LRP1B: variants seen among roughly 807,000 people sequenced by gnomAD.
The protein encoded by LRP1B is LDL receptor related protein 1B, also known as low-density lipoprotein receptor-related protein 1B.
Under a neutral mutation model 556.6 loss-of-function variants are expected in LRP1B, and 217 were observed. The observed-to-expected ratio is 0.39, with a 90% CI of 0.35 to 0.44. The LOEUF (loss-of-function observed/expected upper bound fraction) is 0.44, where lower values mean the gene tolerates loss of function less well. Ranked by LOEUF, LRP1B falls within the 20% of genes least tolerant of loss-of-function variation. The pLI, the probability that LRP1B is intolerant of heterozygous loss-of-function variation, is 1.00. For synonymous variants in LRP1B, 2,047 were observed against 1,865.8 expected (o/e 1.10, Z -2.50); for missense variants, 5,053 against 5,620.8 (o/e 0.90, Z 3.23).
At chr2:140,871,542 C>T (rs1210160923) in intron 25 of LRP1B, among the ~76,000 whole-genome samples, 1 of 152,018 alleles carries the variant, frequency 6.6e-6, no homozygotes, top group Non-Finnish European at 1.5e-5. Flanking sequence ...TGATTCAGGG[C>T]AAGAGATCAT....
rs16844239 is a variant in LRP1B at position 140,553,524 on chromosome 2, T to C, written c.7195-11553A>G. 6.5e-3 allele frequency among the ~76,000 whole-genome samples: 983 copies of C among 152,032 alleles called. 12 individuals carry two copies. Among genetic ancestry groups the C allele is most frequent in the African/African-American group, 0.023 (944 of 41,498 alleles). ...TAAGGAAACTCTTCTAATAGTGAAA[T>C]CAACCCTCTAGATAACTACCTTCAA... On this transcript the variant is annotated intron_variant, in intron 43 of 90. Transcript: ENST00000389484.
intron 2 of LRP1B, among the ~76,000 whole-genome samples, chr2:141,619,338 G>A (rs562562631): frequency 4.6e-5 from 7 of 152,244 alleles, no homozygotes; most frequent in South Asian, 2.1e-4. Flanking sequence ...CTAATACTTC[G>A]TATTTTATTC....
intron 2 of LRP1B, among the ~76,000 whole-genome samples, chr2:141,697,711 G>A (rs1691780073): frequency 6.6e-6 from 1 of 151,850 alleles, no homozygotes; most frequent in African/African-American, 2.4e-5. Flanking sequence ...TGCTTGAAAC[G>A]AATTAAGAGT....
chr2:141,952,007 C>T (rs1442248519), intron 1 of LRP1B, among the ~76,000 whole-genome samples: 31 of 125,646 alleles, frequency 2.5e-4, no homozygotes, highest in African/African-American at 8.9e-4. Flanking sequence ...CCTCTCCCCC[C>T]ACCCCACGAC....
chr2:141,059,291 C>A (rs1406654807), intron 8 of LRP1B, among the ~76,000 whole-genome samples: 1 of 151,698 alleles, frequency 6.6e-6, no homozygotes, highest in African/African-American at 2.4e-5. Context: ...GAATTGTATT[C>A]ATATGACATT....
intron 7 of LRP1B, among the ~76,000 whole-genome samples, chr2:141,145,974 G>T (rs1701776332): frequency 7.4e-6 from 1 of 135,506 alleles, no homozygotes; most frequent in Admixed American, 8.2e-5. Context: ...GCCCAGGCTG[G>T]AGTGTAGTGG....
At chr2:140,279,694 A>C (rs1355405561) in intron 84 of LRP1B, among the ~76,000 whole-genome samples, 2 of 151,484 alleles carry the variant, frequency 1.3e-5, no homozygotes, top group African/African-American at 4.8e-5. Flanking sequence ...GAAGAATAGT[A>C]TATGAGAAGG....
intron 2 of LRP1B, among the ~76,000 whole-genome samples, chr2:141,762,192 G>C (rs1694578943): frequency 6.6e-6 from 1 of 151,966 alleles, no homozygotes; most frequent in Admixed American, 6.6e-5. Flanking sequence ...TCTGTGAGAT[G>C]ATGTATTTTA....
chr2:141,308,887 A>G (rs1686701380), intron 3 of LRP1B, among the ~76,000 whole-genome samples: 2 of 152,168 alleles, frequency 1.3e-5, no homozygotes, highest in African/African-American at 4.8e-5. Flanking sequence ...TATTTATTAC[A>G]TAGTATTTGC....
intron 41 of LRP1B, among the ~76,000 whole-genome samples, chr2:140,632,720 G>A (rs1342710052): frequency 1.3e-5 from 2 of 152,220 alleles, no homozygotes; most frequent in African/African-American, 4.8e-5. Context: ...AGATTGTCAT[G>A]GTGGATTTAA....
chr2:140,562,545 T>C (rs1411080673), intron 43 of LRP1B, among the ~76,000 whole-genome samples: 1 of 152,144 alleles, frequency 6.6e-6, no homozygotes, highest in East Asian at 1.9e-4. Context: ...CACATGAGAT[T>C]AATAATAATT....
chr2:141,035,635 T>C (rs1316236818), intron 11 of LRP1B, among the ~76,000 whole-genome samples: 1 of 152,066 alleles, frequency 6.6e-6, no homozygotes, highest in African/African-American at 2.4e-5. Flanking sequence ...TTACCTTTAA[T>C]CATATCATCC....
Position 141,005,322 on chromosome 2 carries a change from G to A in LRP1B, c.2503+13C>T, listed in dbSNP as rs764038952. ...CCCGATAAACAAATAAGGGTAACTTGAAAAGAACTTACATGTGCAAGTTGT... is the reference window on the plus strand; with the variant it reads ...CCCGATAAACAAATAAGGGTAACTTAAAAAGAACTTACATGTGCAAGTTGT... On this transcript the variant is annotated intron_variant, in intron 15 of 90. Coordinates refer to ENST00000389484, the MANE Select transcript of LRP1B (RefSeq NM_018557.3). 2 of 1,607,740 alleles carry A rather than the reference G, an allele frequency of 1.2e-6. No individual in the cohort carries two copies. The highest frequency in any genetic ancestry group is 1.7e-6 in the Non-Finnish European group (2 of 1,176,022).
rs955751390 is a variant in LRP1B, at chr2:140,576,182, C to T, written c.7194+22449G>A. ...AAAAGCCACTACCCATGTTTGTGGT[C>T]ATTCAAGCATTCGTGATACTAGCTA... On this transcript the variant is annotated intron_variant, in intron 43 of 90. Transcript: ENST00000389484. 7.2e-5 allele frequency among the ~76,000 whole-genome samples: 11 copies of T among 152,122 alleles called. No individual in the cohort carries two copies. In the South Asian group the frequency reaches 1.7e-3, roughly 23 times the overall value.
chr2:141,120,281 T>C (rs1192096923), intron 7 of LRP1B, among the ~76,000 whole-genome samples: 1 of 152,012 alleles, frequency 6.6e-6, no homozygotes, highest in African/African-American at 2.4e-5. Context: ...TTTTTGTTGT[T>C]GAGAATTTAA....
intron 41 of LRP1B, among the ~76,000 whole-genome samples, chr2:140,647,915 T>C (rs966142179): frequency 6.6e-6 from 1 of 152,162 alleles, no homozygotes; most frequent in African/African-American, 2.4e-5. Flanking sequence ...GAAATACCAT[T>C]TGACCCAGTG....
At chr2:141,270,152 C>T (rs1000446696) in intron 3 of LRP1B, among the ~76,000 whole-genome samples, 13 of 152,124 alleles carry the variant, frequency 8.5e-5, no homozygotes, top group South Asian at 4.1e-4. Context: ...TCCAAAGATA[C>T]GCAAATTGCC....
At chr2:142,111,368 C>T (rs1184522746) in intron 1 of LRP1B, among the ~76,000 whole-genome samples, 1 of 152,024 alleles carries the variant, frequency 6.6e-6, no homozygotes, top group Non-Finnish European at 1.5e-5. Flanking sequence ...AAAACTTAAT[C>T]TCATTACCTC....
intron 29 of LRP1B, among the ~76,000 whole-genome samples, chr2:140,847,940 T>C (rs1418357306): frequency 6.6e-6 from 1 of 152,128 alleles, no homozygotes; most frequent in African/African-American, 2.4e-5. Context: ...GTCTTGATGA[T>C]TTTCTCAAAG....
Sources: gnomAD v4.1 joint callset for allele counts (sites outside exome capture counted in the v4.1 genomes callset) on GRCh38, gnomAD v4.1.1 for gene constraint, MANE v1.5 for transcripts, NCBI Gene and HGNC (gene_info 2026-07-23, HGNC 2026-07-21) for gene names.